RAB27B: variants seen among roughly 807,000 people sequenced by gnomAD.
The protein encoded by RAB27B is RAB27B, member RAS oncogene family, also known as ras-related protein Rab-27B.
A neutral mutation model predicts 24.6 loss-of-function variants in RAB27B; 15 were observed. That is an observed-to-expected ratio of 0.61 (90% CI 0.41 to 0.94). The LOEUF is 0.94. RAB27B is among the 40% of genes least tolerant of loss of function. The pLI is 0.00. For missense variants in RAB27B, 261 were observed against 266.8 expected, an observed-to-expected ratio of 0.98 and a Z score of 0.15; for synonymous variants, 105 against 92.5, an observed-to-expected ratio of 1.14 and a Z score of -0.78.
rs1568105890 is a variant in RAB27B, at chr18:54,867,450, T to TC, written c.-19-10117_-19-10116insC. ...TTCTTTTCTTTTCTTTTCTTTTTTT[T>TC]TTTTTTTTTTTTCTGAGATGGAGTC... On this transcript the variant is annotated intron_variant, in intron 1 of 5. Coordinates refer to ENST00000262094, the MANE Select transcript of RAB27B (RefSeq NM_004163.4). Among the ~76,000 whole-genome samples, 4 of 146,122 alleles carry TC rather than the reference T, an allele frequency of 2.7e-5. No homozygotes were observed. The East Asian group carries it at 5.9e-4, about 22-fold the overall frequency.
intron 2 of RAB27B, among the ~76,000 whole-genome samples, chr18:54,812,231 A>G (rs1909984697): frequency 6.6e-6 from 1 of 152,108 alleles, no homozygotes; most frequent in Non-Finnish European, 1.5e-5. Flanking sequence ...TAATATTGAG[A>G]TCAATAGTTG....
chr18:54,782,142 T>C (rs768884826), intron 2 of RAB27B, among the ~76,000 whole-genome samples: 100 of 152,356 alleles, frequency 6.6e-4, no homozygotes, highest in African/African-American at 2.2e-3. Context: ...GGTAAAGAAA[T>C]TAATTACTGT....
chr18:54,815,639 C>T (rs1478884209), intron 2 of RAB27B, among the ~76,000 whole-genome samples: 1 of 152,206 alleles, frequency 6.6e-6, no homozygotes, highest in African/African-American at 2.4e-5. Context: ...ACTCTTACTA[C>T]TTTTCTTGAT....
At chr18:54,861,280 CTTTAA>C (rs985826547) in intron 1 of RAB27B, among the ~76,000 whole-genome samples, 2 of 152,296 alleles carry the variant, frequency 1.3e-5, no homozygotes, top group Middle Eastern at 3.4e-3. Context: ...CAAGCCATAT[CTTTAA>C]TTTAAAACCA....
Position 54,889,474 on chromosome 18 carries a change from C to A in RAB27B, c.*61C>A. The A allele has an allele frequency of 7.0e-7, 1 of 1,426,264 alleles. No homozygotes were observed. The highest frequency in any genetic ancestry group is 9.4e-7 in the Non-Finnish European group (1 of 1,059,594). 88.4% of individuals were successfully genotyped at this position (1,426,264 alleles called of 1,614,324 possible). A position where few individuals can be genotyped will look rare whatever the true frequency, so the allele number is the denominator to read the frequency against. Reference sequence around the variant, plus strand: ...AAAATATTACTTTTAAAAACAATGACAAACCACACAATTGTTGTTGAGTAA... The same window carrying A: ...AAAATATTACTTTTAAAAACAATGAAAAACCACACAATTGTTGTTGAGTAA... On this transcript the variant is annotated 3_prime_UTR_variant, in exon 6 of 6. Transcript: ENST00000262094.
At chr18:54,754,025 T>C (rs1247403596) in intron 2 of RAB27B, among the ~76,000 whole-genome samples, 2 of 152,160 alleles carry the variant, frequency 1.3e-5, no homozygotes, top group Non-Finnish European at 2.9e-5. Context: ...TGTACCCTTG[T>C]TTAAAAAATG....
rs1340615253 is a variant in RAB27B at position 54,892,819 on chromosome 18, T to C, written c.*3406T>C. The C allele has an allele frequency of 2.0e-5, 3 of 152,058 alleles. No individual in the cohort carries two copies. Among genetic ancestry groups the C allele is most frequent in the Non-Finnish European group, 4.4e-5 (3 of 67,962 alleles). The allele number at this position is 152,058 out of a possible 1,614,324, so 9.4% of individuals were successfully genotyped here. ...GTTACTTTTAACCAGATAGGTGTCT[T>C]TGTCATCCTTCTACTATAAATTGTT... On this transcript the variant is annotated 3_prime_UTR_variant, in exon 6 of 6. Coordinates refer to ENST00000262094, the MANE Select transcript of RAB27B (RefSeq NM_004163.4).
chr18:54,870,547 A>G (rs1016597856), intron 1 of RAB27B, among the ~76,000 whole-genome samples: 8 of 152,176 alleles, frequency 5.3e-5, no homozygotes, highest in Non-Finnish European at 1.0e-4. Flanking sequence ...AAGCATAAGA[A>G]TTTGAGAGGA....
intron 2 of RAB27B, among the ~76,000 whole-genome samples, chr18:54,718,712 CT>C (rs1024142877): frequency 2.0e-5 from 3 of 152,086 alleles, no homozygotes; most frequent in African/African-American, 7.2e-5. Context: ...ATCTAAGATT[CT>C]TTTTTCCTGT....
intron 1 of RAB27B, among the ~76,000 whole-genome samples, chr18:54,873,416 TG>T (rs1912556288): frequency 6.6e-6 from 1 of 152,244 alleles, no homozygotes; most frequent in African/African-American, 2.4e-5. Flanking sequence ...TGCAGTCTTC[TG>T]GCCTTTTCTT....
At chr18:54,865,301 G>T (rs565516040) in intron 1 of RAB27B, among the ~76,000 whole-genome samples, 3 of 143,090 alleles carry the variant, frequency 2.1e-5, no homozygotes, top group South Asian at 4.5e-4. Context: ...GTTACAATTT[G>T]CTTTGTTTGA....
At chr18:54,804,848 C>A (rs574278832) in intron 2 of RAB27B, among the ~76,000 whole-genome samples, 2 of 15,142 alleles carry the variant, frequency 1.3e-4, no homozygotes, top group Admixed American at 2.3e-3. Context: ...TCTTTTCTTT[C>A]CTTCCTTCCT....
chr18:54,807,806 C>A (rs940315368), intron 2 of RAB27B, among the ~76,000 whole-genome samples: 5 of 152,162 alleles, frequency 3.3e-5, no homozygotes, highest in Admixed American at 6.5e-5. Flanking sequence ...AGGGGACAAA[C>A]TGTGAACACC....
rs143515040 is a variant in RAB27B at position 54,830,379 on chromosome 18, C to T, written c.-20+1679C>T. 7.1e-4 allele frequency among the ~76,000 whole-genome samples: 108 copies of T among 152,270 alleles called. No individual in the cohort carries two copies. In the East Asian group the frequency reaches 0.013, roughly 18 times the overall value. On this transcript the variant is annotated intron_variant, in intron 1 of 5. Transcript: ENST00000262094. ...AAATTTTTGGTTAGGTTTTTGGGCT[C>T]TCAGATCAGTACGGCATGAAATATA...
intron 2 of RAB27B, among the ~76,000 whole-genome samples, chr18:54,766,138 C>T (rs1183820361): frequency 1.3e-5 from 2 of 152,182 alleles, no homozygotes; most frequent in Admixed American, 6.5e-5. Flanking sequence ...GTAATTGTTA[C>T]ATGGAATAAC....
At chr18:54,829,498 A>G (rs1910592860) in intron 1 of RAB27B, among the ~76,000 whole-genome samples, 3 of 152,234 alleles carry the variant, frequency 2.0e-5, no homozygotes, top group Admixed American at 2.0e-4. Flanking sequence ...GCACATCATT[A>G]AATTAAGCCC....
chr18:54,739,861 G>T (rs1193838405), intron 2 of RAB27B, among the ~76,000 whole-genome samples: 1 of 152,114 alleles, frequency 6.6e-6, no homozygotes, highest in Non-Finnish European at 1.5e-5. Context: ...TTTCTTCGAA[G>T]TCCTAATGGT....
intron 1 of RAB27B, among the ~76,000 whole-genome samples, chr18:54,860,538 C>T (rs548404001): frequency 6.6e-6 from 1 of 152,302 alleles, no homozygotes; most frequent in East Asian, 1.9e-4. Flanking sequence ...TCTGCCCACC[C>T]CACCAAACAT....
intron 2 of RAB27B, among the ~76,000 whole-genome samples, chr18:54,757,319 G>A (rs1474722316): frequency 6.6e-6 from 1 of 152,146 alleles, no homozygotes; most frequent in African/African-American, 2.4e-5. Flanking sequence ...GCTCTTGAGG[G>A]CTCAGGAAAA....
Sources: allele counts gnomAD v4.1 joint callset (sites outside exome capture counted in the v4.1 genomes callset), GRCh38; gene constraint gnomAD v4.1.1; transcripts MANE v1.5; gene names NCBI Gene and HGNC (gene_info 2026-07-23, HGNC 2026-07-21).